Variants in ROBO2 observed in about 807,000 individuals in gnomAD.
The protein encoded by ROBO2 is roundabout guidance receptor 2.
In ROBO2, 53 loss-of-function variants were observed where a neutral mutation model predicts 160.8. The observed-to-expected ratio is 0.33, with a 90% CI of 0.26 to 0.41. ROBO2 has a LOEUF of 0.41. ROBO2 is among the 10% of genes least tolerant of loss of function. The pLI is 1.00. For synonymous variants in ROBO2, 664 were observed against 611.7 expected (o/e 1.09, Z -1.26); for missense variants, 1,577 against 1,722.4 (o/e 0.92, Z 1.49).
chr3:77,308,710 A>G (rs559409630), intron 2 of ROBO2, among the ~76,000 whole-genome samples: 1 of 152,298 alleles, frequency 6.6e-6, no homozygotes, highest in South Asian at 2.1e-4. Flanking sequence ...ATAGCTTTCC[A>G]AAATCTAAAA....
chr3:76,599,286 C>T (rs1408407031), intron 2 of ROBO2, among the ~76,000 whole-genome samples: 1 of 152,150 alleles, frequency 6.6e-6, no homozygotes, highest in Non-Finnish European at 1.5e-5. Flanking sequence ...CATGTGTTCT[C>T]ATCATTTAGC....
intron 2 of ROBO2, among the ~76,000 whole-genome samples, chr3:77,169,420 A>G (rs2079413092): frequency 1.3e-5 from 2 of 152,182 alleles, no homozygotes; most frequent in African/African-American, 2.4e-5. Flanking sequence ...AAAAGAGATA[A>G]TCAGAATACT....
At chr3:76,678,074 G>A (rs2092459936) in intron 2 of ROBO2, among the ~76,000 whole-genome samples, 2 of 142,214 alleles carry the variant, frequency 1.4e-5, no homozygotes, top group Non-Finnish European at 3.0e-5. Context: ...AGGTTCAAGC[G>A]ATTCTCCTGC....
intron 2 of ROBO2, among the ~76,000 whole-genome samples, chr3:76,055,405 G>T (rs903379932): frequency 6.6e-6 from 1 of 152,024 alleles, no homozygotes; most frequent in African/African-American, 2.4e-5. Context: ...TATTCCATGC[G>T]TGATGGCAGG....
intron 2 of ROBO2, among the ~76,000 whole-genome samples, chr3:76,185,455 G>A (rs1701718132): frequency 6.6e-6 from 1 of 151,818 alleles, no homozygotes; most frequent in South Asian, 2.1e-4. Flanking sequence ...TTATTTGGGA[G>A]CATTTTGCAA....
chr3:76,480,396 A>C (rs1193846170), intron 2 of ROBO2, among the ~76,000 whole-genome samples: 1 of 152,132 alleles, frequency 6.6e-6, no homozygotes, highest in Non-Finnish European at 1.5e-5. Flanking sequence ...TAATTTTCTC[A>C]TATAGACGTC....
At position 76,777,010 on chromosome 3, in the gene ROBO2, T is replaced by A. The variant is rs77523251; in HGVS notation, c.110-321004T>A. On this transcript the variant is annotated intron_variant, in intron 2 of 26. Coordinates refer to the ROBO2 transcript ENST00000487694. ...TGAATAACTTATTCAGTGGTAGAGA[T>A]CCACACTAGCATTCCTTTGGTTCTG... 1.2e-3 allele frequency among the ~76,000 whole-genome samples: 186 copies of A among 151,140 alleles called. 1 individual carries two copies. Among genetic ancestry groups the A allele is most frequent in the African/African-American group, 4.1e-3 (170 of 41,394 alleles).
intron 2 of ROBO2, among the ~76,000 whole-genome samples, chr3:77,293,186 T>A (rs546898958): frequency 7.0e-6 from 1 of 143,570 alleles, no homozygotes; most frequent in East Asian, 2.1e-4. Flanking sequence ...AGTAAAGACA[T>A]AAAGTAAAAT....
chr3:76,236,734 G>T (rs1704968529), intron 2 of ROBO2, among the ~76,000 whole-genome samples: 1 of 151,662 alleles, frequency 6.6e-6, no homozygotes, highest in Non-Finnish European at 1.5e-5. Context: ...TTCCTTTAAA[G>T]AAAAAAATAC....
intron 2 of ROBO2, among the ~76,000 whole-genome samples, chr3:77,326,283 A>T (rs1237601303): frequency 6.6e-6 from 1 of 152,186 alleles, no homozygotes; most frequent in Non-Finnish European, 1.5e-5. Context: ...GAATTTTGTG[A>T]TTAATAATCT....
chr3:76,820,176 A>G (rs2065995817), intron 2 of ROBO2, among the ~76,000 whole-genome samples: 1 of 152,052 alleles, frequency 6.6e-6, no homozygotes, highest in African/African-American at 2.4e-5. Flanking sequence ...CACAATTTCA[A>G]GTACAATTAT....
At chr3:77,395,684 T>C (rs1159560121) in intron 2 of ROBO2, among the ~76,000 whole-genome samples, 1 of 152,160 alleles carries the variant, frequency 6.6e-6, no homozygotes, top group African/African-American at 2.4e-5. Context: ...TCGTGTATGA[T>C]ACAATTCTTC....
At chr3:76,025,343 T>C (rs184865690) in intron 2 of ROBO2, among the ~76,000 whole-genome samples, 2 of 151,778 alleles carry the variant, frequency 1.3e-5, no homozygotes, top group Admixed American at 6.6e-5. Context: ...ATTATCCTTA[T>C]TGGGAAAGAT....
At chr3:76,531,968 T>C (rs1306016322) in intron 2 of ROBO2, among the ~76,000 whole-genome samples, 1 of 152,156 alleles carries the variant, frequency 6.6e-6, no homozygotes, top group Non-Finnish European at 1.5e-5. Context: ...CAATGTGACA[T>C]GTCTGGTAAG....
chr3:77,490,853 T>A (rs918117670), intron 4 of ROBO2, among the ~76,000 whole-genome samples: 3 of 152,208 alleles, frequency 2.0e-5, no homozygotes, highest in African/African-American at 7.2e-5. Flanking sequence ...CTTTTCGACA[T>A]CCTATGAACC....
At position 76,566,444 on chromosome 3, in the gene ROBO2, G is replaced by A. The variant is rs547866883; in HGVS notation, c.110-531570G>A. Among the ~76,000 whole-genome samples the A allele has an allele frequency of 2.0e-5, 3 of 152,244 alleles. No individual in the cohort carries two copies. In the East Asian group the frequency reaches 5.8e-4, roughly 29 times the overall value. Reference sequence around the variant, plus strand: ...CTGTGTCCCTTAGGCCTGAAATACTGTCTGGAATCCCTACTTTCTCTTTTC... The same window carrying A: ...CTGTGTCCCTTAGGCCTGAAATACTATCTGGAATCCCTACTTTCTCTTTTC... On this transcript the variant is annotated intron_variant, in intron 2 of 26. Coordinates refer to the ROBO2 transcript ENST00000487694.
chr3:76,714,247 C>T (rs2093345526), intron 2 of ROBO2, among the ~76,000 whole-genome samples: 3 of 151,988 alleles, frequency 2.0e-5, no homozygotes, highest in Admixed American at 2.0e-4. Flanking sequence ...AAACTCTCTC[C>T]AGAAGTGGTG....
Position 77,204,522 on chromosome 3 carries a change from CT to C in ROBO2, c.388+106186del, listed in dbSNP as rs532501051. Among the ~76,000 whole-genome samples, 629 of 151,998 alleles carry C rather than the reference CT, an allele frequency of 4.1e-3. 3 individuals are homozygous for C. Among genetic ancestry groups the C allele is most frequent in the African/African-American group, 0.014 (586 of 41,468 alleles). ...TTAAGTGCCATGTTTTTTTGTTAGG[CT>C]TTTATAATTTTAAAAATCTATATGT... On this transcript the variant is annotated intron_variant, in intron 2 of 25. Coordinates refer to ENST00000461745, the Ensembl canonical transcript of ROBO2.
At chr3:77,239,275 G>A (rs2088582882) in intron 2 of ROBO2, among the ~76,000 whole-genome samples, 1 of 152,210 alleles carries the variant, frequency 6.6e-6, no homozygotes, top group Non-Finnish European at 1.5e-5. Context: ...GCAGACCTTT[G>A]CCGTGAGTGT....
Sources: allele counts gnomAD v4.1 joint callset (sites outside exome capture counted in the v4.1 genomes callset), GRCh38; gene constraint gnomAD v4.1.1; transcripts MANE v1.5; gene names NCBI Gene and HGNC (gene_info 2026-07-23, HGNC 2026-07-21).